The following DLC1 variants were observed in gnomAD, a reference collection of about 807,000 sequenced individuals.
DLC1 encodes rho GTPase-activating protein 7.
A neutral mutation model predicts 140.3 loss-of-function variants in DLC1; 54 were observed. The ratio of observed to expected loss-of-function variants is 0.38; its 90% CI spans 0.31 to 0.48. The LOEUF (loss-of-function observed/expected upper bound fraction) is 0.48. Ranked by LOEUF, DLC1 falls within the 20% of genes least tolerant of loss-of-function variation. DLC1 has a pLI of 0.96. For missense variants in DLC1, 2,536 were observed against 1,907.0 expected (o/e 1.33, Z -6.14); for synonymous variants, 986 against 728.1 (o/e 1.35, Z -5.70).
intron 5 of DLC1, among the ~76,000 whole-genome samples, chr8:13,298,635 GA>G (rs1372462939): frequency 6.6e-6 from 1 of 152,122 alleles, no homozygotes; most frequent in Non-Finnish European, 1.5e-5. Context: ...AGCTTTTTAG[GA>G]GCACAGAATA....
intron 5 of DLC1, among the ~76,000 whole-genome samples, 188 bp from the exon 6 acceptor site, chr8:13,115,845 C>A (rs551472659): frequency 6.6e-6 from 1 of 152,090 alleles, no homozygotes; most frequent in African/African-American, 2.4e-5. Context: ...AGTTTTTTCA[C>A]GTGTACATGA....
At chr8:13,306,961 G>A (rs1203554602) in intron 4 of DLC1, among the ~76,000 whole-genome samples, 5 of 150,830 alleles carry the variant, frequency 3.3e-5, no homozygotes, top group Non-Finnish European at 5.9e-5. Context: ...GCAGGTGCCC[G>A]TAATCCCAGC....
At chr8:13,390,912 G>C (rs1836726185) in intron 4 of DLC1, among the ~76,000 whole-genome samples, 1 of 150,982 alleles carries the variant, frequency 6.6e-6, no homozygotes, top group Non-Finnish European at 1.5e-5. Context: ...GTGAACCCAG[G>C]AGGCAGAGCT....
chr8:13,518,581 C>T (rs943731320), upstream of DLC1, among the ~76,000 whole-genome samples: 4 of 152,122 alleles, frequency 2.6e-5, no homozygotes, highest in African/African-American at 9.7e-5. Flanking sequence ...CAAGATCTAT[C>T]CTTTGAAAAT....
At chr8:13,478,454 C>T (rs1039627144) in intron 2 of DLC1, among the ~76,000 whole-genome samples, 3 of 152,186 alleles carry the variant, frequency 2.0e-5, no homozygotes, top group African/African-American at 4.8e-5. Flanking sequence ...CAATCTATGT[C>T]AGTGCATATT....
chr8:13,371,230 G>T (rs532075695), intron 4 of DLC1, among the ~76,000 whole-genome samples: 1 of 151,920 alleles, frequency 6.6e-6, no homozygotes, highest in South Asian at 2.1e-4. Context: ...CTTCCTCTTT[G>T]CTATTACCTC....
At chr8:13,505,638 G>T (rs1011098777) in intron 1 of DLC1, among the ~76,000 whole-genome samples, 1 of 151,972 alleles carries the variant, frequency 6.6e-6, no homozygotes, top group African/African-American at 2.4e-5. Flanking sequence ...GCATCCCCTC[G>T]CAATTACACA....
intron 6 of DLC1, among the ~76,000 whole-genome samples, chr8:13,112,346 T>G (rs1422649557): frequency 6.6e-6 from 1 of 152,208 alleles, no homozygotes; most frequent in African/African-American, 2.4e-5. Context: ...ATATGGAATT[T>G]CTTATTCTTA....
intron 2 of DLC1, among the ~76,000 whole-genome samples, chr8:13,443,097 C>T (rs1400964772): frequency 6.6e-6 from 1 of 151,290 alleles, no homozygotes; most frequent in East Asian, 1.9e-4. Context: ...AGCAAACTAT[C>T]TCAAGGACAA....
chr8:13,447,337 A>T (rs1214001537), intron 2 of DLC1, among the ~76,000 whole-genome samples: 2 of 152,210 alleles, frequency 1.3e-5, no homozygotes, highest in Non-Finnish European at 2.9e-5. Flanking sequence ...TTATTAAGGC[A>T]TACGATTTAT....
intron 4 of DLC1, among the ~76,000 whole-genome samples, chr8:13,374,897 A>C (rs187320881): frequency 6.6e-6 from 1 of 152,278 alleles, no homozygotes; most frequent in East Asian, 1.9e-4. Context: ...GTTCTCCTTG[A>C]AGAGGTCCTT....
intron 5 of DLC1, among the ~76,000 whole-genome samples, chr8:13,190,679 G>A (rs1211677842): frequency 1.3e-5 from 2 of 152,176 alleles, no homozygotes; most frequent in African/African-American, 4.8e-5. Flanking sequence ...TAGCAGATCA[G>A]AAGCTGTGGG....
intron 1 of DLC1, among the ~76,000 whole-genome samples, chr8:13,564,224 T>C (rs1423299814): frequency 6.6e-6 from 1 of 152,102 alleles, no homozygotes; most frequent in South Asian, 2.1e-4. Context: ...ATGGAGATAA[T>C]TGTGAGGTAA....
intron 5 of DLC1, among the ~76,000 whole-genome samples, chr8:13,251,179 G>C (rs1370849693): frequency 6.6e-6 from 1 of 152,082 alleles, no homozygotes; most frequent in Non-Finnish European, 1.5e-5. Flanking sequence ...TATTCTTATT[G>C]GCTTAGGGCC....
At position 13,443,285 on chromosome 8, in the gene DLC1, A is replaced by G. The variant is rs865959343; in HGVS notation, c.1024-41666T>C. ...TAGTTAATGGGTGCAGCACACCAAC[A>G]TGGCACATGTATACATATGTAACTA... On this transcript the variant is annotated intron_variant, in intron 2 of 17. Coordinates refer to ENST00000276297, the MANE Select transcript of DLC1 (RefSeq NM_182643.3). 1.5e-4 allele frequency among the ~76,000 whole-genome samples: 22 copies of G among 151,264 alleles called. No individual in the cohort carries two copies. In the Middle Eastern group the frequency reaches 0.01, roughly 70 times the overall value.
At chr8:13,214,807 G>C (rs1287252284) in intron 5 of DLC1, 1 of 777,844 alleles carries the variant, frequency 1.3e-6, no homozygotes, top group Admixed American at 1.7e-5. Flanking sequence ...AAAAGGAGAG[G>C]AGAAAATGAT....
chr8:13,545,176 G>T (rs1023558310), intron 1 of DLC1, among the ~76,000 whole-genome samples: 1 of 151,976 alleles, frequency 6.6e-6, no homozygotes, highest in Non-Finnish European at 1.5e-5. Flanking sequence ...GTTCACAAAA[G>T]AACTAACATT....
chr8:13,134,141 G>A (rs900223511), intron 5 of DLC1, among the ~76,000 whole-genome samples: 21 of 152,186 alleles, frequency 1.4e-4, no homozygotes, highest in African/African-American at 4.6e-4. Context: ...TGTAGTTTGA[G>A]GACCCCTGAT....
chr8:13,103,548 A>G (rs925735315), intron 7 of DLC1, among the ~76,000 whole-genome samples: 1 of 151,884 alleles, frequency 6.6e-6, no homozygotes, highest in African/African-American at 2.4e-5. Context: ...CCAAGAAAGA[A>G]AAGTTTGTGA....
Sources: gnomAD v4.1 joint callset for allele counts (sites outside exome capture counted in the v4.1 genomes callset) on GRCh38, gnomAD v4.1.1 for gene constraint, MANE v1.5 for transcripts, NCBI Gene and HGNC (gene_info 2026-07-23, HGNC 2026-07-21) for gene names.